Variants in GRM7 observed in about 807,000 individuals in gnomAD.
GRM7 encodes glutamate metabotropic receptor 7.
A neutral mutation model predicts 84.5 loss-of-function variants in GRM7; 35 were observed. That is an observed-to-expected ratio of 0.41 (90% confidence interval 0.32 to 0.55). The LOEUF is 0.55. GRM7 is among the 20% of genes least tolerant of loss of function. The probability of loss-of-function intolerance (pLI) is 0.19; values close to 1 mark genes in which losing one functional copy is unlikely to be tolerated. For missense variants in GRM7, 1,003 were observed against 1,194.6 expected (o/e 0.84, Z 2.36); for synonymous variants, 487 against 455.1 (o/e 1.07, Z -0.89).
chr3:7,483,380 A>G (rs558619659), intron 7 of GRM7, among the ~76,000 whole-genome samples: 3 of 152,344 alleles, frequency 2.0e-5, no homozygotes, highest in African/African-American at 4.8e-5. Flanking sequence ...GAAGCCAGCC[A>G]TACTGATCTG....
chr3:7,576,806 ACT>A (rs1694983003), intron 7 of GRM7, among the ~76,000 whole-genome samples: 2 of 152,206 alleles, frequency 1.3e-5, no homozygotes, highest in Non-Finnish European at 2.9e-5. Context: ...GGATACTAAA[ACT>A]ATTTCATGCA....
intron 7 of GRM7, among the ~76,000 whole-genome samples, chr3:7,467,979 T>C (rs1462404832): frequency 2.0e-5 from 3 of 152,332 alleles, no homozygotes; most frequent in East Asian, 1.9e-4. Context: ...TTCACACTTA[T>C]TAGAATTTTG....
intron 7 of GRM7, among the ~76,000 whole-genome samples, chr3:7,470,893 G>A (rs549625218): frequency 6.6e-6 from 1 of 151,964 alleles, no homozygotes; most frequent in Middle Eastern, 3.4e-3. Flanking sequence ...ACCTGGTTAT[G>A]TTCAAATGAA....
chr3:7,670,112 G>T (rs889857219), intron 8 of GRM7, among the ~76,000 whole-genome samples: 1 of 152,178 alleles, frequency 6.6e-6, no homozygotes, highest in African/African-American at 2.4e-5. Flanking sequence ...GCTTCAGTGT[G>T]CCAGGCGCTC....
intron 2 of GRM7, among the ~76,000 whole-genome samples, chr3:7,152,058 A>G (rs1194809228): frequency 2.0e-5 from 3 of 152,314 alleles, no homozygotes; most frequent in Admixed American, 6.5e-5. Flanking sequence ...CAATTTTAAG[A>G]CACAAAATCA....
intron 4 of GRM7, among the ~76,000 whole-genome samples, chr3:7,334,498 AAAAC>A (rs1171268211): frequency 2.4e-4 from 36 of 152,218 alleles, no homozygotes; most frequent in African/African-American, 8.4e-4. Flanking sequence ...TAGAAAAACA[AAAAC>A]AAAAACAAAA....
At chr3:7,496,796 T>C (rs1185520246) in intron 7 of GRM7, among the ~76,000 whole-genome samples, 1 of 151,784 alleles carries the variant, frequency 6.6e-6, no homozygotes, top group East Asian at 1.9e-4. Context: ...TATATAGATA[T>C]AGATGTATGT....
intron 7 of GRM7, among the ~76,000 whole-genome samples, chr3:7,528,080 A>G (rs1489089030): frequency 6.6e-6 from 1 of 152,036 alleles, no homozygotes; most frequent in Non-Finnish European, 1.5e-5. Flanking sequence ...TTTGTGGTAT[A>G]GTTTCCGTGG....
intron 9 of GRM7, among the ~76,000 whole-genome samples, chr3:7,699,263 C>G (rs1168661836): frequency 6.6e-6 from 1 of 152,062 alleles, no homozygotes; most frequent in East Asian, 1.9e-4. Context: ...TCATCAGACC[C>G]CAGGTCACCT....
chr3:7,424,701 A>G (rs1696533382), intron 5 of GRM7, among the ~76,000 whole-genome samples: 1 of 152,212 alleles, frequency 6.6e-6, no homozygotes, highest in African/African-American at 2.4e-5. Context: ...GCACTGGGCC[A>G]GTTTCTGTGC....
chr3:7,309,497 C>A (rs1473434956), intron 4 of GRM7, among the ~76,000 whole-genome samples: 1 of 152,096 alleles, frequency 6.6e-6, no homozygotes, highest in East Asian at 1.9e-4. Context: ...ATTCCTATAT[C>A]TTTGTGTTGT....
At chr3:7,167,173 C>T (rs1262632254) in intron 2 of GRM7, among the ~76,000 whole-genome samples, 1 of 152,172 alleles carries the variant, frequency 6.6e-6, no homozygotes. Flanking sequence ...AGCAAAAATA[C>T]TGTGGCAGCT....
At chr3:7,556,107 T>G (rs891057620) in intron 7 of GRM7, among the ~76,000 whole-genome samples, 3 of 152,114 alleles carry the variant, frequency 2.0e-5, no homozygotes, top group Non-Finnish European at 4.4e-5. Context: ...CTGGCAGATT[T>G]GGAGTCTGGT....
chr3:7,600,703 G>A lies in GRM7; in HGVS notation c.2451+21346G>A, dbSNP rs371772424. On this transcript the variant is annotated intron_variant, in intron 8 of 9. Transcript: ENST00000357716. ...TACCTGTTAAAATGCCTTATAGTTTGCCCATATCATCTTAACCAAAGTTTA... is the reference window on the plus strand; with the variant it reads ...TACCTGTTAAAATGCCTTATAGTTTACCCATATCATCTTAACCAAAGTTTA... Among the ~76,000 whole-genome samples, 221 of 152,160 alleles carry A rather than the reference G, an allele frequency of 1.5e-3. 3 individuals carry two copies. The highest frequency in any genetic ancestry group is 0.014 in the Middle Eastern group (4 of 294).
intron 4 of GRM7, among the ~76,000 whole-genome samples, chr3:7,352,335 T>A (rs966884883): frequency 1.3e-5 from 2 of 152,104 alleles, no homozygotes; most frequent in Non-Finnish European, 2.9e-5. Flanking sequence ...ATGGCATTTT[T>A]AAACATTTGT....
chr3:7,483,443 C>G (rs1699207926), intron 7 of GRM7, among the ~76,000 whole-genome samples: 1 of 152,100 alleles, frequency 6.6e-6, no homozygotes. Flanking sequence ...GAGCAGAACC[C>G]TCGAGGCCTG....
At chr3:7,297,511 T>C (rs1160285045) in intron 2 of GRM7, among the ~76,000 whole-genome samples, 1 of 152,210 alleles carries the variant, frequency 6.6e-6, no homozygotes, top group Non-Finnish European at 1.5e-5. Flanking sequence ...GTTGGGTGTT[T>C]ATATTTTAAA....
chr3:7,336,771 G>C (rs73132252), intron 4 of GRM7, among the ~76,000 whole-genome samples: 5,948 of 151,414 alleles, frequency 0.039, 246 homozygotes, highest in African/African-American at 0.11. Context: ...AGAATGAAAT[G>C]AAGAGCTCAA....
At chr3:7,083,268 C>G (rs937176006) in intron 1 of GRM7, among the ~76,000 whole-genome samples, 1 of 152,070 alleles carries the variant, frequency 6.6e-6, no homozygotes, top group Admixed American at 6.6e-5. Flanking sequence ...AGATCCTCCA[C>G]CAGCAAAAAG....
Sources: allele counts gnomAD v4.1 joint callset (sites outside exome capture counted in the v4.1 genomes callset), GRCh38; gene constraint gnomAD v4.1.1; transcripts MANE v1.5; gene names NCBI Gene and HGNC (gene_info 2026-07-23, HGNC 2026-07-21).